The following KRTAP1-4 variants were observed in gnomAD, a reference collection of about 807,000 sequenced individuals.
KRTAP1-4 encodes the protein keratin-associated protein 1-4.
KRTAP1-4 carries 5 observed loss-of-function variants against 8.6 expected under a neutral mutation model. That is an observed-to-expected ratio of 0.58 (90% confidence interval 0.30 to 1.23). The LOEUF is 1.23. Among genes scored for constraint, KRTAP1-4 ranks in the 50% most tolerant of loss-of-function variants. The pLI is 0.07. For missense variants in KRTAP1-4, 157 were observed against 160.7 expected, an observed-to-expected ratio of 0.98 and a Z score of 0.12; for synonymous variants, 50 against 58.9, an observed-to-expected ratio of 0.85 and a Z score of 0.69.
Position 41,029,695 on chromosome 17 carries a change from C to T in KRTAP1-4, c.*18G>A, listed in dbSNP as rs781429066. 15 of 1,520,108 alleles carry T rather than the reference C, an allele frequency of 9.9e-6. No homozygotes were observed. The highest frequency in any genetic ancestry group is 6.7e-5 in the South Asian group (5 of 75,042). The allele number at this position is 1,520,108 out of a possible 1,614,324, so 94.2% of individuals were successfully genotyped here. On this transcript the variant is annotated 3_prime_UTR_variant, in exon 1 of 1. Transcript: ENST00000377747. Reference sequence around the variant, plus strand: ...CTGTGCTTCCCCTTTCATTCTTAAGCGATCAGCAACCTGGCTTTTAGCAGG... The same window carrying T: ...CTGTGCTTCCCCTTTCATTCTTAAGTGATCAGCAACCTGGCTTTTAGCAGG...
chr17:41,029,643 A>C lies in KRTAP1-4; in HGVS notation c.*70T>G. ...ACTTAGCATCCAAGTAAAATCGAACAGTTCTTCAGAAATCAGCACAATTTT... is the reference window on the plus strand; with the variant it reads ...ACTTAGCATCCAAGTAAAATCGAACCGTTCTTCAGAAATCAGCACAATTTT... On this transcript the variant is annotated 3_prime_UTR_variant, in exon 1 of 1. Transcript: ENST00000377747. The C allele has an allele frequency of 1.4e-6, 2 of 1,459,860 alleles. No individual in the cohort carries two copies. The highest frequency in any genetic ancestry group is 1.8e-6 in the Non-Finnish European group (2 of 1,103,412). 90.4% of individuals were successfully genotyped at this position (1,459,860 alleles called of 1,614,324 possible).
Position 41,029,674 on chromosome 17 carries a change from GCTTCCC to G in KRTAP1-4, c.*33_*38del. 1.3e-6 allele frequency: 2 copies of G among 1,498,448 alleles called. No individual in the cohort carries two copies. Among genetic ancestry groups the G allele is most frequent in the Non-Finnish European group, 1.8e-6 (2 of 1,123,952 alleles). 92.8% of individuals were successfully genotyped at this position (1,498,448 alleles called of 1,614,324 possible). On this transcript the variant is annotated 3_prime_UTR_variant, in exon 1 of 1. Coordinates refer to ENST00000377747, the MANE Select transcript of KRTAP1-4 (RefSeq NM_001257305.2). ...TCAGAAATCAGCACAATTTTGCTGT[GCTTCCC>G]CTTTCATTCTTAAGCGATCAGCAAC... is the stretch of plus-strand genomic sequence containing the variant.
Position 41,029,636 on chromosome 17 carries a change from A to T in KRTAP1-4, c.*77T>A. On this transcript the variant is annotated 3_prime_UTR_variant, in exon 1 of 1. Coordinates refer to ENST00000377747, the MANE Select transcript of KRTAP1-4 (RefSeq NM_001257305.2). ...TCATGGTACTTAGCATCCAAGTAAA[A>T]TCGAACAGTTCTTCAGAAATCAGCA... 2 of 1,454,080 alleles carry T rather than the reference A, an allele frequency of 1.4e-6. No homozygotes were observed. The highest frequency in any genetic ancestry group is 1.8e-6 in the Non-Finnish European group (2 of 1,100,188). 90.1% of individuals were successfully genotyped at this position (1,454,080 alleles called of 1,614,324 possible).
At position 41,029,681 on chromosome 17, in the gene KRTAP1-4, C is replaced by T. The variant is rs751719639; in HGVS notation, c.*32G>A. On this transcript the variant is annotated 3_prime_UTR_variant, in exon 1 of 1. Transcript: ENST00000377747. ...TCAGCACAATTTTGCTGTGCTTCCCCTTTCATTCTTAAGCGATCAGCAACC... is the reference window on the plus strand; with the variant it reads ...TCAGCACAATTTTGCTGTGCTTCCCTTTTCATTCTTAAGCGATCAGCAACC... The T allele has an allele frequency of 9.3e-6, 14 of 1,506,780 alleles. No individual in the cohort carries two copies. Among genetic ancestry groups the T allele is most frequent in the Non-Finnish European group, 8.9e-7 (1 of 1,128,354 alleles). The allele number at this position is 1,506,780 out of a possible 1,614,324, so 93.3% of individuals were successfully genotyped here. A position where few individuals can be genotyped will look rare whatever the true frequency, so the allele number is the denominator to read the frequency against.
rs2012404171 is a variant in KRTAP1-4, at chr17:41,029,615, G to C, written c.*98C>G. 1 of 1,423,870 alleles carries C rather than the reference G, an allele frequency of 7.0e-7. No individual in the cohort carries two copies. Among genetic ancestry groups the C allele is most frequent in the Non-Finnish European group, 9.3e-7 (1 of 1,075,140 alleles). The allele number at this position is 1,423,870 out of a possible 1,614,324, so 88.2% of individuals were successfully genotyped here. On this transcript the variant is annotated 3_prime_UTR_variant, in exon 1 of 1. Transcript: ENST00000377747. ...TCTCTGAGCAGCTTAACAACATCAT[G>C]GTACTTAGCATCCAAGTAAAATCGA... is the stretch of plus-strand genomic sequence containing the variant.
Position 41,029,873 on chromosome 17 carries a change from AC to A in KRTAP1-4, c.205del (p.Val69TrpfsTer12). On this transcript the variant is annotated frameshift_variant, in exon 1 of 1. Transcript: ENST00000377747. LOFTEE classifies it high-confidence loss of function. ...GCAGGGGGGCAGGCAGGTGCCCTCC[AC>A]GTGGCAATCTGGGTGGCACCACCTG... ...RIRWCHPDCH[V>X]EGTCLPPCYL... 6.2e-7 allele frequency: 1 copy of A among 1,607,730 alleles called. No individual in the cohort carries two copies. Among genetic ancestry groups the A allele is most frequent in the South Asian group, 1.1e-5 (1 of 90,206 alleles).
In KRTAP1-4 at chr17:41,029,745, A is replaced by G. The variant is rs1480712440; in HGVS notation, c.334T>C (p.Cys112Arg). The G allele has an allele frequency of 2.5e-6, 4 of 1,570,870 alleles. No homozygotes were observed. The East Asian group carries it at 9.0e-5, about 35-fold the overall frequency. ...YCGQSCCRPA[C>R]CCHCCEPTC ...GTGGGCTCACAGCAGTGGCAGCAGCAGGCTGGGCGGCAGCAGGACTGTCCA... is the reference window on the plus strand; with the variant it reads ...GTGGGCTCACAGCAGTGGCAGCAGCGGGCTGGGCGGCAGCAGGACTGTCCA... The change falls in exon 1 of 1, where the codon TGC (cysteine) becomes CGC (arginine). Residue 112 changes from cysteine to arginine, a missense_variant. By Grantham distance (180) the Cys-to-Arg change is radical (BLOSUM62 -3). Transcript: ENST00000377747.
Position 41,029,827 on chromosome 17 carries a change from G to T in KRTAP1-4, c.252C>A (p.Pro84=). Residue 84 remains proline (P), a synonymous_variant, in exon 1 of 1, where the codon CCC becomes CCA. Coordinates refer to ENST00000377747, the MANE Select transcript of KRTAP1-4 (RefSeq NM_001257305.2). The stretch of plus-strand genomic sequence containing the variant: ...CGTGGTGCAGCTGGCAGCAGGATGG[G>T]GGTGTGCAGCTTACCAGGTAGCAGG... ...LPPCYLVSCT[P]PSCCQLHHAE... 6.2e-7 allele frequency: 1 copy of T among 1,611,446 alleles called. No homozygotes were observed. Among genetic ancestry groups the T allele is most frequent in the Non-Finnish European group, 8.5e-7 (1 of 1,179,296 alleles).
chr17:41,029,642 C>G lies in KRTAP1-4; in HGVS notation c.*71G>C. On this transcript the variant is annotated 3_prime_UTR_variant, in exon 1 of 1. Coordinates refer to ENST00000377747, the MANE Select transcript of KRTAP1-4 (RefSeq NM_001257305.2). ...TACTTAGCATCCAAGTAAAATCGAA[C>G]AGTTCTTCAGAAATCAGCACAATTT... is the stretch of plus-strand genomic sequence containing the variant. 6.9e-7 allele frequency: 1 copy of G among 1,458,556 alleles called. No individual in the cohort carries two copies. The highest frequency in any genetic ancestry group is 9.1e-7 in the Non-Finnish European group (1 of 1,102,748). The allele number at this position is 1,458,556 out of a possible 1,614,324, so 90.4% of individuals were successfully genotyped here. A position where few individuals can be genotyped will look rare whatever the true frequency, so the allele number is the denominator to read the frequency against.
chr17:41,029,986 C>T lies in KRTAP1-4; in HGVS notation c.93G>A (p.Gln31=), dbSNP rs1355569993. The change falls in exon 1 of 1, where the codon CAG becomes CAA. Residue 31 remains glutamine, a synonymous_variant. Transcript: ENST00000377747. The part of the protein sequence containing the change: ...ETSCCQPSCC[Q]TSSCGTGCGI... ...CACAGCCGGTTCCGCAGGAGCTGGT[C>T]TGGCAGCAGCTTGGCTGGCAGCAGC... The T allele has an allele frequency of 6.2e-7, 1 of 1,611,344 alleles. No homozygotes were observed. Among genetic ancestry groups the T allele is most frequent in the Non-Finnish European group, 8.5e-7 (1 of 1,179,332 alleles).
rs1263452260 is a variant in KRTAP1-4 at position 41,029,902 on chromosome 17, A to G, written c.177T>C (p.Arg59=). ...GGCAATCTGGGTGGCACCACCTGAT[A>G]CGGGTGCTCACAGATCCACCGCTGC... The part of the protein sequence containing the change: ...QEGSGGSVST[R]IRWCHPDCHV... The change falls in exon 1 of 1, where the codon CGT becomes CGC. Residue 59 remains arginine, a synonymous_variant. Transcript: ENST00000377747. 6.2e-7 allele frequency: 1 copy of G among 1,606,486 alleles called. No individual in the cohort carries two copies.
Position 41,029,676 on chromosome 17 carries a change from T to C in KRTAP1-4, c.*37A>G. 1 of 1,501,172 alleles carries C rather than the reference T, an allele frequency of 6.7e-7. No individual in the cohort carries two copies. Among genetic ancestry groups the C allele is most frequent in the African/African-American group, 1.4e-5 (1 of 72,076 alleles). 93.0% of individuals were successfully genotyped at this position (1,501,172 alleles called of 1,614,324 possible). A position where few individuals can be genotyped will look rare whatever the true frequency, so the allele number is the denominator to read the frequency against. On this transcript the variant is annotated 3_prime_UTR_variant, in exon 1 of 1. Transcript: ENST00000377747. Reference sequence around the variant, plus strand: ...AGAAATCAGCACAATTTTGCTGTGCTTCCCCTTTCATTCTTAAGCGATCAG... The same window carrying C: ...AGAAATCAGCACAATTTTGCTGTGCCTCCCCTTTCATTCTTAAGCGATCAG...
Position 41,029,771 on chromosome 17 carries a change from C to T in KRTAP1-4, c.308G>A (p.Cys103Tyr), listed in dbSNP as rs752542505. The change falls in exon 1 of 1, where the codon TGT becomes TAT. Residue 103 changes from cysteine to tyrosine, a missense_variant. Transcript: ENST00000377747. The stretch of plus-strand genomic sequence containing the variant: ...GGCTGGGCGGCAGCAGGACTGTCCA[C>T]AGTAGGACGGGCGGCAGCAGGAGGC... ...AEASCCRPSY[C>Y]GQSCCRPACC... 24 of 1,596,890 alleles carry T rather than the reference C, an allele frequency of 1.5e-5. No homozygotes were observed. The East Asian group carries it at 2.5e-4, about 16-fold the overall frequency.
chr17:41,029,749 T>C lies in KRTAP1-4; in HGVS notation c.330A>G (p.Pro110=), dbSNP rs773021520. 3 of 1,573,000 alleles carry C rather than the reference T, an allele frequency of 1.9e-6. No individual in the cohort carries two copies. The highest frequency in any genetic ancestry group is 2.4e-5 in the South Asian group (2 of 83,804). ...PSYCGQSCCR[P]ACCCHCCEPT... ...GCTCACAGCAGTGGCAGCAGCAGGC[T>C]GGGCGGCAGCAGGACTGTCCACAGT... Residue 110 remains proline (P), a synonymous_variant, in exon 1 of 1, where the codon CCA becomes CCG. Transcript: ENST00000377747.
rs745535367 is a variant in KRTAP1-4 at position 41,029,942 on chromosome 17, C to T, written c.137G>A (p.Gly46Asp). ...GTGCGIGGGI[G>D]YGQEGSGGSV... ...TCCACCGCTGCCCTCCTGGCCATAG[C>T]CAATGCCACCACCAATGCCACAGCC... Residue 46 changes from glycine to aspartate, a missense_variant, in exon 1 of 1, where the codon GGC becomes GAC. Gly to Asp is a moderately conservative substitution (Grantham distance 94). Coordinates refer to ENST00000377747, the MANE Select transcript of KRTAP1-4 (RefSeq NM_001257305.2). 6.2e-7 allele frequency: 1 copy of T among 1,609,346 alleles called. No homozygotes were observed. The highest frequency in any genetic ancestry group is 1.7e-5 in the Admixed American group (1 of 59,324).
At position 41,029,923 on chromosome 17, in the gene KRTAP1-4, G is replaced by C. The variant is rs188606691; in HGVS notation, c.156C>G (p.Ser52Arg). The stretch of plus-strand genomic sequence containing the variant: ...TGATACGGGTGCTCACAGATCCACC[G>C]CTGCCCTCCTGGCCATAGCCAATGC... ...GGGIGYGQEG[S>R]GGSVSTRIRW... is the part of the protein sequence containing the mutation. Residue 52 changes from serine (S) to arginine (R), a missense_variant, in exon 1 of 1, where the codon AGC (serine) becomes AGG (arginine). Coordinates refer to ENST00000377747, the MANE Select transcript of KRTAP1-4 (RefSeq NM_001257305.2). 6.2e-7 allele frequency: 1 copy of C among 1,607,014 alleles called. No individual in the cohort carries two copies. Among genetic ancestry groups the C allele is most frequent in the Non-Finnish European group, 8.5e-7 (1 of 1,177,902 alleles).
Position 41,030,044 on chromosome 17 carries a change from G to C in KRTAP1-4, c.35C>G (p.Ser12Cys), listed in dbSNP as rs1053155219. Residue 12 changes from serine to cysteine, a missense_variant, in exon 1 of 1, where the codon TCC becomes TGC. Coordinates refer to ENST00000377747, the MANE Select transcript of KRTAP1-4 (RefSeq NM_001257305.2). ...ASCSTSGTCG[S>C]SCCQPSCCET... is the part of the protein sequence containing the mutation. ...ACAGCAGCTTGGCTGGCAGCAGCTG[G>C]AGCCACAGGTCCCACTGGTGGAACA... The C allele has an allele frequency of 1.2e-5, 20 of 1,605,838 alleles. No homozygotes were observed. Among genetic ancestry groups the C allele is most frequent in the Middle Eastern group, 3.3e-4 (2 of 6,008 alleles).
chr17:41,030,095 T>C lies in KRTAP1-4; in HGVS notation c.-17A>G. On this transcript the variant is annotated 5_prime_UTR_variant, in exon 1 of 1. Transcript: ENST00000377747. ...GCTGGCCATGGTGTCAGGAGTTGGG[T>C]TGAGAGCTGTGTTAAGAGAGGTTTC... 2 of 1,569,844 alleles carry C rather than the reference T, an allele frequency of 1.3e-6. No homozygotes were observed. The highest frequency in any genetic ancestry group is 1.7e-6 in the Non-Finnish European group (2 of 1,156,704).
chr17:41,029,690 TTAAGCGATCAGCAACC>T lies in KRTAP1-4; in HGVS notation c.*7_*22del. The T allele has an allele frequency of 1.3e-6, 2 of 1,518,052 alleles. No homozygotes were observed. Among genetic ancestry groups the T allele is most frequent in the Non-Finnish European group, 1.8e-6 (2 of 1,133,608 alleles). The allele number at this position is 1,518,052 out of a possible 1,614,324, so 94.0% of individuals were successfully genotyped here. The stretch of plus-strand genomic sequence containing the variant: ...TTTTGCTGTGCTTCCCCTTTCATTC[TTAAGCGATCAGCAACC>T]TGGCTTTTAGCAGGTGGGCTCACAG... On this transcript the variant is annotated 3_prime_UTR_variant, in exon 1 of 1. Coordinates refer to ENST00000377747, the MANE Select transcript of KRTAP1-4 (RefSeq NM_001257305.2).
Sources: gnomAD v4.1 joint callset for allele counts on GRCh38, gnomAD v4.1.1 for gene constraint, MANE v1.5 for transcripts, NCBI Gene and HGNC (gene_info 2026-07-23, HGNC 2026-07-21) for gene names.